ABCF3: variants seen among roughly 807,000 people sequenced by gnomAD.
The protein encoded by ABCF3 is ATP-binding cassette sub-family F member 3.
In ABCF3, 62 loss-of-function variants were observed where a neutral mutation model predicts 94.3. The observed-to-expected ratio is 0.66, with a 90% confidence interval of 0.54 to 0.81. The LOEUF is 0.81. Among genes scored for constraint, ABCF3 ranks in the 40% least tolerant of loss-of-function variants. The pLI, the probability that ABCF3 is intolerant of heterozygous loss-of-function variation, is 0.00. For missense variants in ABCF3, 843 were observed against 925.3 expected (o/e 0.91, Z 1.15); for synonymous variants, 355 against 361.1 (o/e 0.98, Z 0.19).
intron 14 of ABCF3, chr3:184,190,707 G>C: frequency 2.9e-6 from 1 of 349,062 alleles, no homozygotes; most frequent in Non-Finnish European, 5.3e-6. Context: ...TGCATTGGGA[G>C]TTTAATTTTG....
chr3:184,187,519 G>T, intron 4 of ABCF3, 76 bp downstream of exon 4: 1 of 1,554,284 alleles, frequency 6.4e-7, no homozygotes, highest in South Asian at 1.1e-5. Flanking sequence ...AGTATCTTTT[G>T]GGGGGATTTC....
In ABCF3 at chr3:184,189,876, T is replaced by C; in HGVS notation, c.1336T>C (p.Tyr446His). The part of the protein sequence containing the change: ...HIQVFIDRFR[Y>H]NANRASQVQS... Reference sequence around the variant, plus strand: ...GCAGGTTTTCATTGACCGGTTTCGCTACAATGCCAACAGGGCCTCTCAAGT... The same window carrying C: ...GCAGGTTTTCATTGACCGGTTTCGCCACAATGCCAACAGGGCCTCTCAAGT... Residue 446 changes from tyrosine to histidine, a missense_variant, in exon 14 of 21, where the codon TAC becomes CAC. Physicochemically the swap from Tyr to His is moderately conservative, Grantham distance 83. Transcript: ENST00000429586. 5.6e-6 allele frequency: 9 copies of C among 1,614,218 alleles called. No homozygotes were observed. The highest frequency in any genetic ancestry group is 7.6e-6 in the Non-Finnish European group (9 of 1,180,026).
intron 16 of ABCF3, 115 bp from the exon 17 acceptor site, chr3:184,192,486 C>T (rs571691470): frequency 1.0e-6 from 1 of 1,003,224 alleles, no homozygotes; most frequent in East Asian, 2.7e-5. Context: ...CTAGTAACCA[C>T]AACTCTGCTC....
intron 13 of ABCF3, 41 bp from the exon 14 acceptor site, chr3:184,189,814 G>A: frequency 1.2e-6 from 2 of 1,614,102 alleles, no homozygotes; most frequent in South Asian, 1.1e-5. Context: ...GTGGGGGATA[G>A]TGGGGGAATT....
intron 2 of ABCF3, 52 bp downstream of exon 2, chr3:184,186,706 C>T: frequency 3.8e-6 from 6 of 1,591,480 alleles, no homozygotes; most frequent in Non-Finnish European, 4.3e-6. Context: ...GCGAACGGTC[C>T]GGAGACAAGA....
rs375606037 is a variant in ABCF3 at position 184,189,983 on chromosome 3, T to C, written c.1391+52T>C. ...CTGACTCCTGTTCTCTTCGTCTCCTTCCGCATTTGCACGCCACCCTTGCCC... is the reference window on the plus strand; with the variant it reads ...CTGACTCCTGTTCTCTTCGTCTCCTCCCGCATTTGCACGCCACCCTTGCCC... On this transcript the variant is annotated intron_variant, in intron 14 of 20. Transcript: ENST00000429586. 4.1e-5 allele frequency: 66 copies of C among 1,595,612 alleles called. No homozygotes were observed. The African/African-American group carries it at 8.7e-4, about 21-fold the overall frequency.
At chr3:184,191,611 C>T (rs1309269686) in intron 16 of ABCF3, among the ~76,000 whole-genome samples, 1 of 152,144 alleles carries the variant, frequency 6.6e-6, no homozygotes, top group Non-Finnish European at 1.5e-5. Context: ...AGCTTGGTTA[C>T]CAAGCAGCTT....
intron 14 of ABCF3, chr3:184,190,134 TTC>T: frequency 5.0e-6 from 3 of 603,190 alleles, no homozygotes. Context: ...CTAATTTACT[TTC>T]TGTTTCTGCT....
chr3:184,186,327 G>A (rs778427607), intron 1 of ABCF3, 47 bp downstream of exon 1: 5 of 1,609,912 alleles, frequency 3.1e-6, no homozygotes, highest in South Asian at 2.2e-5. Context: ...AGTGGAGGCC[G>A]GGGGAAAGTC....
chr3:184,186,373 T>C (rs1374745933), intron 1 of ABCF3, 93 bp downstream of exon 1: 2 of 1,590,498 alleles, frequency 1.3e-6, no homozygotes, highest in African/African-American at 2.7e-5. Context: ...TTGCCAGGCC[T>C]CTCCTCTGCA....
rs539752380 is a variant in ABCF3 at position 184,191,338 on chromosome 3, G to A, written c.1569+83G>A. ...GTGGATTGGCCCAGATCCTCAGGCT[G>A]TAAAGGGACGAGGTCTGTGGAACAG... On this transcript the variant is annotated intron_variant, in intron 16 of 20. Coordinates refer to ENST00000429586, the MANE Select transcript of ABCF3 (RefSeq NM_018358.3). 12 of 1,592,602 alleles carry A rather than the reference G, an allele frequency of 7.5e-6. No individual in the cohort carries two copies. The South Asian group carries it at 9.9e-5, about 13-fold the overall frequency.
At position 184,189,459 on chromosome 3, in the gene ABCF3, T is replaced by G. The variant is rs757246284; in HGVS notation, c.1113+16T>G. 1.2e-6 allele frequency: 2 copies of G among 1,613,884 alleles called. No homozygotes were observed. Among genetic ancestry groups the G allele is most frequent in the Non-Finnish European group, 1.7e-6 (2 of 1,179,976 alleles). ...TTACCTGCAGGTGAGTGCCTGTGGGTGCTGGAGTGTGTTGGGGAAAGGCGG... is the reference window on the plus strand; with the variant it reads ...TTACCTGCAGGTGAGTGCCTGTGGGGGCTGGAGTGTGTTGGGGAAAGGCGG... On this transcript the variant is annotated intron_variant, in intron 12 of 20. Coordinates refer to ENST00000429586, the MANE Select transcript of ABCF3 (RefSeq NM_018358.3).
Position 184,193,807 on chromosome 3 carries a change from C to A in ABCF3, c.*109C>A. 7.8e-7 allele frequency: 1 copy of A among 1,281,766 alleles called. No homozygotes were observed. The highest frequency in any genetic ancestry group is 1.5e-5 in the African/African-American group (1 of 66,654). 79.4% of individuals were successfully genotyped at this position (1,281,766 alleles called of 1,614,324 possible). The stretch of plus-strand genomic sequence containing the variant: ...TGGACTTCCCCCAACTTGGGGACAG[C>A]CTTATTCCCAAATGTCTCTATCCTT... On this transcript the variant is annotated 3_prime_UTR_variant, in exon 21 of 21. Transcript: ENST00000429586. This position sits in a 1 kb window ranked among gnomAD's most constrained non-coding sequence, Gnocchi z 5.2.
chr3:184,186,916 T>G (rs1715662929), intron 3 of ABCF3, 41 bp downstream of exon 3: 1 of 1,588,502 alleles, frequency 6.3e-7, no homozygotes. Context: ...CCCCCTGTGC[T>G]TTTCTCCGCC....
At chr3:184,186,907 C>G (rs984896499) in intron 3 of ABCF3, 32 bp downstream of exon 3, 1 of 1,598,532 alleles carries the variant, frequency 6.3e-7, no homozygotes, top group African/African-American at 1.3e-5. Context: ...ACTAACTGCC[C>G]CCCTGTGCTT....
At chr3:184,191,079 C>CT in intron 15 of ABCF3, 36 bp downstream of exon 15, 4 of 1,614,138 alleles carry the variant, frequency 2.5e-6, no homozygotes, top group Non-Finnish European at 3.4e-6. Flanking sequence ...TGGGGAATTG[C>CT]TTGCTTCCAG....
chr3:184,188,160 G>T lies in ABCF3; in HGVS notation c.589G>T (p.Asp197Tyr), dbSNP rs746799914. 4 of 1,613,896 alleles carry T rather than the reference G, an allele frequency of 2.5e-6. No homozygotes were observed. In the African/African-American group the frequency reaches 4.0e-5, roughly 16 times the overall value. ...CTGCAGAGTACTGCTGGCTGGAGCG[G>T]ATGTGAACCTGGCATGGGGCCGCCG... ...FGDRVLLAGADVNLAWGRRYG... is the reference protein window; with the variant it reads ...FGDRVLLAGAYVNLAWGRRYG... Residue 197 changes from aspartate to tyrosine, a missense_variant, in exon 7 of 21, where the codon GAT (aspartate) becomes TAT (tyrosine). By Grantham distance (160) the Asp-to-Tyr change is radical. Coordinates refer to ENST00000429586, the MANE Select transcript of ABCF3 (RefSeq NM_018358.3).
Position 184,186,561 on chromosome 3 carries a change from C to G in ABCF3, c.128C>G (p.Ala43Gly). The change falls in exon 2 of 21, where the codon GCT becomes GGT. Residue 43 changes from alanine to glycine, a missense_variant. Transcript: ENST00000429586. ...DFESVDDLVEAVGELLQEVSG... is the reference protein window; with the variant it reads ...DFESVDDLVEGVGELLQEVSG... ...GAGTCTGTGGATGACCTGGTGGAAG[C>G]TGTAGGGGAACTATTGCAAGAGGTG... 6.2e-7 allele frequency: 1 copy of G among 1,614,030 alleles called. No homozygotes were observed. The highest frequency in any genetic ancestry group is 8.5e-7 in the Non-Finnish European group (1 of 1,179,952).
Position 184,193,569 on chromosome 3 carries a change from G to A in ABCF3, c.2001G>A (p.Glu667=). 6.2e-7 allele frequency: 1 copy of A among 1,614,196 alleles called. No individual in the cohort carries two copies. Among genetic ancestry groups the A allele is most frequent in the African/African-American group, 1.3e-5 (1 of 75,040 alleles). The change falls in exon 21 of 21, where the codon GAG becomes GAA. Residue 667 remains glutamate (E), a synonymous_variant. Coordinates refer to ENST00000429586, the MANE Select transcript of ABCF3 (RefSeq NM_018358.3). This position sits in a 1 kb window ranked among gnomAD's most constrained non-coding sequence, Gnocchi z 5.2. ...RGGVILVSHD[E]RFIRLVCREL... ...GTGTGATTCTGGTGTCCCACGATGA[G>A]CGCTTTATCAGGCTGGTGTGCCGGG...
Sources: gnomAD v4.1 joint callset for allele counts (sites outside exome capture counted in the v4.1 genomes callset) on GRCh38, gnomAD v4.1.1 for gene constraint, Gnocchi (gnomAD v3.1) non-coding constraint, MANE v1.5 for transcripts, NCBI Gene and HGNC (gene_info 2026-07-23, HGNC 2026-07-21) for gene names.